Variants in GTF2F2 observed in about 807,000 individuals in gnomAD.
GTF2F2 encodes the protein ATP-dependent helicase GTF2F2.
GTF2F2 carries 23 observed loss-of-function variants against 42.2 expected under a neutral mutation model. That is an observed-to-expected ratio of 0.55 (90% CI 0.39 to 0.77). GTF2F2 has a LOEUF of 0.77. Among genes scored for constraint, GTF2F2 ranks in the 30% least tolerant of loss-of-function variants. The pLI is 0.00. For synonymous variants in GTF2F2, 105 were observed against 100.8 expected (o/e 1.04, Z -0.25); for missense variants, 261 against 287.2 (o/e 0.91, Z 0.66).
intron 6 of GTF2F2, among the ~76,000 whole-genome samples, chr13:45,266,155 G>T (rs1262875045): frequency 6.6e-6 from 1 of 152,138 alleles, no homozygotes; most frequent in Non-Finnish European, 1.5e-5. Flanking sequence ...ACACAAAACT[G>T]CAGAATAAAC....
intron 4 of GTF2F2, among the ~76,000 whole-genome samples, chr13:45,169,088 C>T: frequency 6.6e-6 from 1 of 151,726 alleles, no homozygotes; most frequent in East Asian, 1.9e-4. Flanking sequence ...CTCCTGACCT[C>T]AAGTGATCCG....
intron 4 of GTF2F2, among the ~76,000 whole-genome samples, chr13:45,160,271 G>T (rs1202772358): frequency 6.6e-6 from 1 of 152,268 alleles, no homozygotes; most frequent in East Asian, 1.9e-4. Context: ...CTGCTGTTTT[G>T]GTTGAAGTAT....
Position 45,197,236 on chromosome 13 carries a change from C to T in GTF2F2, c.305-10188C>T, listed in dbSNP as rs554929292. On this transcript the variant is annotated intron_variant, in intron 4 of 7. Transcript: ENST00000340473. ...TGTAGGCCGGGCATGTTGGCTTATG[C>T]CTGTAATCCCAGCACTTTGGGAGGC... is the stretch of plus-strand genomic sequence containing the variant. 1.4e-4 allele frequency among the ~76,000 whole-genome samples: 21 copies of T among 151,558 alleles called. 1 individual carries two copies. The highest frequency in any genetic ancestry group is 4.6e-4 in the African/African-American group (19 of 41,240).
chr13:45,207,395 C>G, intron 4 of GTF2F2, 29 bp from the exon 5 acceptor site: 2 of 1,357,244 alleles, frequency 1.5e-6, no homozygotes, highest in Non-Finnish European at 2.1e-6. Context: ...TAAGTATTAT[C>G]TCTGAATCCT....
At chr13:45,201,932 T>C (rs1873205537) in intron 4 of GTF2F2, among the ~76,000 whole-genome samples, 3 of 152,216 alleles carry the variant, frequency 2.0e-5, no homozygotes, top group South Asian at 2.1e-4. Flanking sequence ...TAATTGGTGG[T>C]GTGAGCCCCT....
At chr13:45,246,101 C>T (rs182868524) in intron 5 of GTF2F2, among the ~76,000 whole-genome samples, 2,443 of 151,092 alleles carry the variant, frequency 0.016, 20 homozygotes, top group African/African-American at 0.032. Flanking sequence ...CTCCGCCTGC[C>T]GGGTTCACGC....
chr13:45,170,634 C>T (rs1177178635), intron 4 of GTF2F2, among the ~76,000 whole-genome samples: 2 of 152,080 alleles, frequency 1.3e-5, no homozygotes, highest in African/African-American at 4.8e-5. Context: ...TGGAAAGGTT[C>T]TGTGGCTTTG....
intron 4 of GTF2F2, chr13:45,194,561 G>A (rs766636820): frequency 1.2e-5 from 20 of 1,606,528 alleles, no homozygotes; most frequent in South Asian, 3.3e-5. Context: ...TTTATTTTAC[G>A]CTCCATTTTT....
rs79178984 is a variant in GTF2F2, at chr13:45,154,196, A to C, written c.304+2365A>C. On this transcript the variant is annotated intron_variant, in intron 4 of 7. Transcript: ENST00000340473. Reference sequence around the variant, plus strand: ...GAGAAACTTGAACTTTTTTTTGTAGAAAAAAGTACCCTATTTCAGATTTTT... The same window carrying C: ...GAGAAACTTGAACTTTTTTTTGTAGCAAAAAGTACCCTATTTCAGATTTTT... Among the ~76,000 whole-genome samples, 733 of 152,118 alleles carry C rather than the reference A, an allele frequency of 4.8e-3. 9 individuals are homozygous for C. Among genetic ancestry groups the C allele is most frequent in the African/African-American group, 0.017 (711 of 41,518 alleles).
At chr13:45,142,049 C>T (rs1239469252) in intron 2 of GTF2F2, among the ~76,000 whole-genome samples, 1 of 152,206 alleles carries the variant, frequency 6.6e-6, no homozygotes, top group Non-Finnish European at 1.5e-5. Flanking sequence ...CCAGTACTTA[C>T]ATTCCTTGTT....
chr13:45,121,732 A>C lies in GTF2F2; in HGVS notation c.66+1011A>C, dbSNP rs1321338383. The stretch of plus-strand genomic sequence containing the variant: ...TCATACCCAGAATAGTGTTTGGCGC[A>C]TGGTAATTACTCAACAAATAGATGA... On this transcript the variant is annotated intron_variant, in intron 1 of 7. Transcript: ENST00000340473. Among the ~76,000 whole-genome samples the C allele has an allele frequency of 2.6e-5, 4 of 152,344 alleles. No individual in the cohort carries two copies. The East Asian group carries it at 7.7e-4, about 29-fold the overall frequency.
intron 4 of GTF2F2, among the ~76,000 whole-genome samples, chr13:45,158,551 T>G (rs1336407040): frequency 6.6e-6 from 1 of 152,236 alleles, no homozygotes; most frequent in African/African-American, 2.4e-5. Flanking sequence ...TTTACCATAC[T>G]TTCCTGCACA....
At chr13:45,128,497 T>TG (rs1373495516) in intron 1 of GTF2F2, among the ~76,000 whole-genome samples, 2 of 150,934 alleles carry the variant, frequency 1.3e-5, no homozygotes, top group South Asian at 2.1e-4. Context: ...CACTTGCACC[T>TG]GGGGGGCGGA....
chr13:45,121,228 A>G (rs954414573), intron 1 of GTF2F2, among the ~76,000 whole-genome samples: 5 of 152,210 alleles, frequency 3.3e-5, no homozygotes, highest in African/African-American at 9.6e-5. Context: ...TCACAGAAGG[A>G]GAGGTCATTG....
Position 45,194,075 on chromosome 13 carries a change from T to C in GTF2F2, c.305-13349T>C, listed in dbSNP as rs1310926572. On this transcript the variant is annotated intron_variant, in intron 4 of 7. Transcript: ENST00000340473. ...ACAATGCGAGACTTTATTTTTGATA[T>C]GAAATCAGGAGCATTACAGAAGATT... is the stretch of plus-strand genomic sequence containing the variant. The C allele has an allele frequency of 4.3e-6, 7 of 1,614,164 alleles. No individual in the cohort carries two copies. The highest frequency in any genetic ancestry group is 5.1e-6 in the Non-Finnish European group (6 of 1,180,014).
At chr13:45,269,261 A>C (rs542988998) in intron 7 of GTF2F2, among the ~76,000 whole-genome samples, 3 of 152,304 alleles carry the variant, frequency 2.0e-5, no homozygotes, top group Admixed American at 2.0e-4. Flanking sequence ...TGATTTGAAA[A>C]AAGAAAATCC....
At chr13:45,169,603 C>A (rs9595256) in intron 4 of GTF2F2, among the ~76,000 whole-genome samples, 33,078 of 152,084 alleles carry the variant, frequency 0.22, 3,872 homozygotes, top group African/African-American at 0.27. Context: ...TGATTTTCTT[C>A]TTGTGTTTTG....
At chr13:45,211,050 G>A (rs1281881176) in intron 5 of GTF2F2, among the ~76,000 whole-genome samples, 1 of 152,188 alleles carries the variant, frequency 6.6e-6, no homozygotes, top group Non-Finnish European at 1.5e-5. Flanking sequence ...CTTTGGTTGT[G>A]GAATGGGAGA....
At chr13:45,259,766 T>G (rs556288719) in intron 6 of GTF2F2, among the ~76,000 whole-genome samples, 3 of 144,374 alleles carry the variant, frequency 2.1e-5, no homozygotes. Context: ...CATGCCATTC[T>G]CCTGCCTCAG....
Sources: gnomAD v4.1 joint callset for allele counts (sites outside exome capture counted in the v4.1 genomes callset) on GRCh38, gnomAD v4.1.1 for gene constraint, MANE v1.5 for transcripts, NCBI Gene and HGNC (gene_info 2026-07-23, HGNC 2026-07-21) for gene names.